ITPR2: variants seen among roughly 807,000 people sequenced by gnomAD.
ITPR2 encodes inositol 1,4,5-trisphosphate receptor type 2.
ITPR2 carries 207 observed loss-of-function variants against 317.1 expected under a neutral mutation model. The observed-to-expected ratio is 0.65, with a 90% confidence interval of 0.58 to 0.73. ITPR2 has a LOEUF of 0.73. Among genes scored for constraint, ITPR2 ranks in the 30% least tolerant of loss-of-function variants. The pLI is 0.00. For synonymous variants in ITPR2, 1,156 were observed against 1,149.1 expected, an observed-to-expected ratio of 1.01 and a Z score of -0.12; for missense variants, 2,613 against 3,284.0, an observed-to-expected ratio of 0.80 and a Z score of 4.99.
At chr12:26,461,687 TATATACAC>T (rs1942030993) in intron 45 of ITPR2, among the ~76,000 whole-genome samples, 1 of 86,144 alleles carries the variant, frequency 1.2e-5, no homozygotes, top group Non-Finnish European at 2.6e-5. Context: ...CATACATATA[TATATACAC>T]ACACACACAC....
chr12:26,672,956 T>G (rs1947819681), intron 13 of ITPR2, among the ~76,000 whole-genome samples: 1 of 152,062 alleles, frequency 6.6e-6, no homozygotes, highest in Non-Finnish European at 1.5e-5. Flanking sequence ...CTAGAAGAAA[T>G]GGATAAATTC....
chr12:26,513,696 T>A (rs767668264), intron 37 of ITPR2, among the ~76,000 whole-genome samples: 4 of 152,128 alleles, frequency 2.6e-5, no homozygotes, highest in African/African-American at 9.7e-5. Context: ...CTTTGCCTTA[T>A]GTCTTCTATC....
At chr12:26,746,189 A>G (rs1049967485) in intron 2 of ITPR2, among the ~76,000 whole-genome samples, 7 of 77,792 alleles carry the variant, frequency 9.0e-5, no homozygotes, top group African/African-American at 3.1e-4. Context: ...GTGTATTCCT[A>G]CAACACACAC....
intron 10 of ITPR2, among the ~76,000 whole-genome samples, chr12:26,689,209 G>C (rs1200031837): frequency 6.6e-6 from 1 of 152,092 alleles, no homozygotes; most frequent in African/African-American, 2.4e-5. Flanking sequence ...CTGAGCTCAG[G>C]AGTTCAAGAC....
At chr12:26,772,478 A>ATAATACATGTATT (rs58056683) in intron 2 of ITPR2, among the ~76,000 whole-genome samples, 5 of 80,640 alleles carry the variant, frequency 6.2e-5, no homozygotes, top group African/African-American at 1.3e-4. Context: ...TATTATATAT[A>ATAATACATGTATT]ATATATATAA....
intron 52 of ITPR2, among the ~76,000 whole-genome samples, chr12:26,410,167 G>A (rs1173869453): frequency 6.6e-6 from 1 of 152,190 alleles, no homozygotes; most frequent in Non-Finnish European, 1.5e-5. Context: ...GTTTAGATTG[G>A]AGGATGCAAA....
chr12:26,585,412 G>A (rs946712973), intron 32 of ITPR2, among the ~76,000 whole-genome samples: 18 of 151,988 alleles, frequency 1.2e-4, no homozygotes, highest in African/African-American at 4.1e-4. Context: ...ACATATTATC[G>A]TATTATCATA....
At chr12:26,597,182 T>C (rs1188716863) in intron 30 of ITPR2, 48 bp from the exon 31 acceptor site, 2 of 1,600,962 alleles carry the variant, frequency 1.2e-6, no homozygotes, top group South Asian at 1.1e-5. Flanking sequence ...ACATTCATCC[T>C]TGCAGTTATT....
intron 34 of ITPR2, among the ~76,000 whole-genome samples, chr12:26,575,854 G>C (rs764676168): frequency 3.9e-5 from 6 of 152,154 alleles, no homozygotes; most frequent in Non-Finnish European, 8.8e-5. Context: ...TCACAACATG[G>C]AATTTCACTT....
At chr12:26,695,070 G>T (rs1948314046) in intron 10 of ITPR2, among the ~76,000 whole-genome samples, 1 of 152,146 alleles carries the variant, frequency 6.6e-6, no homozygotes, top group Non-Finnish European at 1.5e-5. Context: ...GTAAAATTTT[G>T]AATGATGGAG....
intron 21 of ITPR2, among the ~76,000 whole-genome samples, chr12:26,649,820 GATAGA>G (rs1947203794): frequency 7.1e-6 from 1 of 141,458 alleles, no homozygotes; most frequent in South Asian, 2.4e-4. Flanking sequence ...TAGATAGATA[GATAGA>G]CAGACAGACA....
rs529178236 is a variant in ITPR2, at chr12:26,544,234, C to T, written c.5073+6013G>A. On this transcript the variant is annotated intron_variant, in intron 37 of 56. Coordinates refer to ENST00000381340, the MANE Select transcript of ITPR2 (RefSeq NM_002223.4). ...AAGAATCTTTAAGATGTTGCCCACC[C>T]GTATCTTATTTCTCAGTGTCTTAGG... Among the ~76,000 whole-genome samples, 15 of 152,060 alleles carry T rather than the reference C, an allele frequency of 9.9e-5. No individual in the cohort carries two copies. The South Asian group carries it at 3.1e-3, about 32-fold the overall frequency.
chr12:26,756,656 A>C (rs577602359), intron 2 of ITPR2, among the ~76,000 whole-genome samples: 4 of 152,210 alleles, frequency 2.6e-5, no homozygotes, highest in African/African-American at 9.6e-5. Context: ...GCTCCTCCCT[A>C]CCCTGAACAC....
At chr12:26,745,380 C>T (rs1462765797) in intron 2 of ITPR2, among the ~76,000 whole-genome samples, 3 of 152,220 alleles carry the variant, frequency 2.0e-5, no homozygotes, top group Non-Finnish European at 4.4e-5. Flanking sequence ...ACCCTTTGCA[C>T]CACAGACATA....
chr12:26,552,794 A>T (rs1162802591), intron 36 of ITPR2, among the ~76,000 whole-genome samples: 1 of 152,144 alleles, frequency 6.6e-6, no homozygotes, highest in Non-Finnish European at 1.5e-5. Flanking sequence ...GTTTCGGTGG[A>T]CATGATAAAT....
chr12:26,578,803 G>T lies in ITPR2; in HGVS notation c.4540C>A (p.Gln1514Lys). Reference sequence around the variant, plus strand: ...CAATTGTAAATTCTGAAGGCAGATTGCAGTAGCTGAATAAAAACTGGCTGA... The same window carrying T: ...CAATTGTAAATTCTGAAGGCAGATTTCAGTAGCTGAATAAAAACTGGCTGA... ...THQPVFIQLLQSAFRIYNCTW... is the reference protein window; with the variant it reads ...THQPVFIQLLKSAFRIYNCTW... The change falls in exon 34 of 57, where the codon CAA (glutamine) becomes AAA (lysine). Residue 1514 changes from glutamine to lysine, a missense_variant. Transcript: ENST00000381340. 1 of 1,609,658 alleles carries T rather than the reference G, an allele frequency of 6.2e-7. No individual in the cohort carries two copies. Among genetic ancestry groups the T allele is most frequent in the Non-Finnish European group, 8.5e-7 (1 of 1,176,784 alleles).
intron 26 of ITPR2, among the ~76,000 whole-genome samples, chr12:26,620,472 C>G (rs2136801881): frequency 6.6e-6 from 1 of 152,282 alleles, no homozygotes; most frequent in Middle Eastern, 3.4e-3. Flanking sequence ...ATTTACAAAA[C>G]TTTTTGTATT....
intron 34 of ITPR2, among the ~76,000 whole-genome samples, chr12:26,568,318 A>G (rs1945067661): frequency 6.6e-6 from 1 of 151,770 alleles, no homozygotes; most frequent in Non-Finnish European, 1.5e-5. Context: ...TAAAAAACTA[A>G]TAAGAGAGAG....
chr12:26,343,215 T>C (rs1938194682), intron 55 of ITPR2, among the ~76,000 whole-genome samples: 1 of 152,178 alleles, frequency 6.6e-6, no homozygotes, highest in Non-Finnish European at 1.5e-5. Context: ...ATGAAGCTAG[T>C]AACTGGATTA....
Sources: gnomAD v4.1 joint callset for allele counts (sites outside exome capture counted in the v4.1 genomes callset) on GRCh38, gnomAD v4.1.1 for gene constraint, MANE v1.5 for transcripts, NCBI Gene and HGNC (gene_info 2026-07-23, HGNC 2026-07-21) for gene names.